OLA1: variants seen among roughly 807,000 people sequenced by gnomAD.
The protein encoded by OLA1 is Obg like ATPase 1, also known as obg-like ATPase 1.
In OLA1, 14 loss-of-function variants were observed where a neutral mutation model predicts 48.4. That is an observed-to-expected ratio of 0.29 (90% CI 0.19 to 0.45). The LOEUF is 0.45. OLA1 is among the 20% of genes least tolerant of loss of function. OLA1 has a pLI of 1.00. For synonymous variants in OLA1, 127 were observed against 150.4 expected (o/e 0.84, Z 1.14); for missense variants, 325 against 467.1 (o/e 0.70, Z 2.80).
intron 4 of OLA1, among the ~76,000 whole-genome samples, chr2:174,213,454 A>C (rs986312339): frequency 1.2e-4 from 18 of 152,196 alleles, no homozygotes; most frequent in Non-Finnish European, 1.3e-4. Flanking sequence ...CAGCTTTAAA[A>C]AGTTAAGAAT....
intron 2 of OLA1, among the ~76,000 whole-genome samples, chr2:174,237,467 A>G (rs1574572868): frequency 6.6e-6 from 1 of 152,300 alleles, no homozygotes; most frequent in Middle Eastern, 3.4e-3. Flanking sequence ...ATTACAGTAT[A>G]GGCTGGGCAT....
intron 7 of OLA1, among the ~76,000 whole-genome samples, chr2:174,117,977 G>T (rs750227663): frequency 3.9e-5 from 6 of 152,110 alleles, no homozygotes; most frequent in African/African-American, 1.4e-4. Context: ...GGTCTAACTG[G>T]CTCACAGTTC....
At chr2:174,214,566 C>A (rs961539621) in intron 4 of OLA1, among the ~76,000 whole-genome samples, 1 of 152,104 alleles carries the variant, frequency 6.6e-6, no homozygotes, top group African/African-American at 2.4e-5. Flanking sequence ...CACTACACCA[C>A]GTACCAAAAG....
chr2:174,075,611 T>C (rs1373899179), intron 10 of OLA1, 84 bp from the exon 11 acceptor site: 2 of 802,140 alleles, frequency 2.5e-6, no homozygotes, highest in South Asian at 1.5e-5. Flanking sequence ...ATATAAAAAG[T>C]ATTATACTAC....
intron 4 of OLA1, among the ~76,000 whole-genome samples, chr2:174,144,939 A>ATAT (rs1318022287): frequency 3.5e-4 from 20 of 56,362 alleles, no homozygotes; most frequent in East Asian, 3.1e-3. Flanking sequence ...TTAAAAAAAA[A>ATAT]AAAAAAAAAA....
intron 5 of OLA1, among the ~76,000 whole-genome samples, chr2:174,128,351 C>A (rs1331564314): frequency 6.6e-6 from 1 of 151,792 alleles, no homozygotes; most frequent in East Asian, 1.9e-4. Flanking sequence ...CAGCAAACTA[C>A]GATCACGCCA....
At chr2:174,091,589 C>G (rs1347578982) in intron 7 of OLA1, among the ~76,000 whole-genome samples, 1 of 152,098 alleles carries the variant, frequency 6.6e-6, no homozygotes, top group Non-Finnish European at 1.5e-5. Context: ...TTTTTAACAT[C>G]TTTTAAAAAA....
chr2:174,128,692 GCA>G (rs1686102955), intron 5 of OLA1, among the ~76,000 whole-genome samples: 1 of 150,098 alleles, frequency 6.7e-6, no homozygotes, highest in Non-Finnish European at 1.5e-5. Context: ...AGCCGAGATT[GCA>G]CCACTGCATT....
chr2:174,126,962 C>T (rs758371255), intron 5 of OLA1, among the ~76,000 whole-genome samples: 1 of 152,176 alleles, frequency 6.6e-6, no homozygotes, highest in Non-Finnish European at 1.5e-5. Flanking sequence ...TAACATTCTG[C>T]AAGAACTAGC....
At position 174,163,716 on chromosome 2, in the gene OLA1, ATATATATATATATATATATATATATAT is replaced by A. The variant is rs1687073622; in HGVS notation, c.374-21743_374-21717del. On this transcript the variant is annotated intron_variant, in intron 4 of 10. Coordinates refer to ENST00000284719, the MANE Select transcript of OLA1 (RefSeq NM_013341.5). ...AAAAATAAAATAAATAAATAAATAT[ATATATATATATATATATATATATATAT>A]ATATATATATATATATATATATATA... 4.4e-3 allele frequency among the ~76,000 whole-genome samples: 80 copies of A among 17,984 alleles called. 6 individuals carry two copies. The highest frequency in any genetic ancestry group is 5.2e-3 in the African/African-American group (17 of 3,296). 11.8% of individuals were successfully genotyped at this position (17,984 alleles called of 152,430 possible). A position where few individuals can be genotyped will look rare whatever the true frequency, so the allele number is the denominator to read the frequency against.
At chr2:174,096,055 A>G (rs1685248395) in intron 7 of OLA1, among the ~76,000 whole-genome samples, 1 of 152,226 alleles carries the variant, frequency 6.6e-6, no homozygotes, top group Admixed American at 6.5e-5. Flanking sequence ...ATTATAATTA[A>G]GAAGACAGAC....
intron 4 of OLA1, among the ~76,000 whole-genome samples, chr2:174,170,247 A>C (rs1351216894): frequency 3.3e-5 from 5 of 152,204 alleles, no homozygotes; most frequent in African/African-American, 4.8e-5. Flanking sequence ...AGAAAGAAAA[A>C]AAATACAAAA....
At chr2:174,248,257 C>A (rs963083709) in intron 1 of OLA1, 195 bp downstream of exon 1, 1 of 155,556 alleles carries the variant, frequency 6.4e-6, no homozygotes, top group African/African-American at 2.4e-5. Context: ...GGCTTTCCCG[C>A]GTGAGGCGTA....
chr2:174,239,886 T>G (rs1260287980), intron 2 of OLA1, among the ~76,000 whole-genome samples: 1 of 149,430 alleles, frequency 6.7e-6, no homozygotes, highest in African/African-American at 2.4e-5. Flanking sequence ...AGAGCGAGAC[T>G]CTATCTCAAA....
chr2:174,145,716 G>A (rs1686579717), intron 4 of OLA1, among the ~76,000 whole-genome samples: 2 of 152,072 alleles, frequency 1.3e-5, no homozygotes, highest in Non-Finnish European at 2.9e-5. Context: ...TTACATTAGT[G>A]ACAAAGTTCC....
chr2:174,247,390 A>G (rs1689150447), intron 1 of OLA1: 1 of 313,734 alleles, frequency 3.2e-6, no homozygotes. Context: ...AAATAAATAA[A>G]TAAAATATTT....
At chr2:174,177,354 T>C (rs1042114955) in intron 4 of OLA1, among the ~76,000 whole-genome samples, 3 of 152,132 alleles carry the variant, frequency 2.0e-5, no homozygotes, top group Non-Finnish European at 2.9e-5. Context: ...GAAGCTGTGG[T>C]GATCTCAAGT....
At chr2:174,177,112 AG>A (rs1437879082) in intron 4 of OLA1, among the ~76,000 whole-genome samples, 1 of 152,132 alleles carries the variant, frequency 6.6e-6, no homozygotes, top group African/African-American at 2.4e-5. Context: ...AGCCTTTCAA[AG>A]GTGAATCATT....
At chr2:174,185,411 C>T (rs1687636237) in intron 4 of OLA1, among the ~76,000 whole-genome samples, 1 of 152,158 alleles carries the variant, frequency 6.6e-6, no homozygotes, top group South Asian at 2.1e-4. Context: ...AACTAGTAAT[C>T]ACCACTAAAA....
Sources: gnomAD v4.1 joint callset for allele counts (sites outside exome capture counted in the v4.1 genomes callset) on GRCh38, gnomAD v4.1.1 for gene constraint, MANE v1.5 for transcripts, NCBI Gene and HGNC (gene_info 2026-07-23, HGNC 2026-07-21) for gene names.